The following VRK1 variants were observed in gnomAD, a reference collection of about 807,000 sequenced individuals.
The protein encoded by VRK1 is serine/threonine-protein kinase VRK1.
In VRK1, 33 loss-of-function variants were observed where a neutral mutation model predicts 57.1. The observed-to-expected ratio is 0.58, with a 90% CI of 0.44 to 0.77. VRK1 has a LOEUF of 0.77. Among genes scored for constraint, VRK1 ranks in the 30% least tolerant of loss-of-function variants. VRK1 has a pLI of 0.00. For missense variants in VRK1, 413 were observed against 477.3 expected, an observed-to-expected ratio of 0.87 and a Z score of 1.25; for synonymous variants, 137 against 147.8, an observed-to-expected ratio of 0.93 and a Z score of 0.53.
At chr14:96,860,225 C>T (rs1292874236) in intron 10 of VRK1, among the ~76,000 whole-genome samples, 1 of 152,038 alleles carries the variant, frequency 6.6e-6, no homozygotes, top group African/African-American at 2.4e-5. Flanking sequence ...GGACATTTTA[C>T]TTTCTAATCT....
rs1886780869 is a variant in VRK1, at chr14:96,825,861, G to A, written c.-5-7606G>A. Among the ~76,000 whole-genome samples the A allele has an allele frequency of 2.0e-5, 3 of 152,242 alleles. No individual in the cohort carries two copies. The South Asian group carries it at 6.2e-4, about 32-fold the overall frequency. On this transcript the variant is annotated intron_variant, in intron 1 of 12. Coordinates refer to ENST00000216639, the MANE Select transcript of VRK1 (RefSeq NM_003384.3). The stretch of plus-strand genomic sequence containing the variant: ...TAAAGAAAATTTCATAAAAATACAT[G>A]ACCCCCTAAAGGAGTTTACATGCAG...
At chr14:96,873,062 A>G (rs1300878303) in intron 11 of VRK1, among the ~76,000 whole-genome samples, 1 of 152,136 alleles carries the variant, frequency 6.6e-6, no homozygotes, top group Non-Finnish European at 1.5e-5. Flanking sequence ...GTCTTATGGG[A>G]TGGACAAAAC....
chr14:96,857,100 G>T (rs563120253), intron 10 of VRK1, among the ~76,000 whole-genome samples: 1 of 152,298 alleles, frequency 6.6e-6, no homozygotes, highest in Non-Finnish European at 1.5e-5. Flanking sequence ...TTTATTGTGT[G>T]CCAGGGACTG....
intron 3 of VRK1, among the ~76,000 whole-genome samples, chr14:96,838,890 TGAG>T (rs1032530487): frequency 4.0e-5 from 6 of 149,610 alleles, no homozygotes; most frequent in East Asian, 3.9e-4. Flanking sequence ...TTAAAAAAAT[TGAG>T]GCATGATTTT....
intron 1 of VRK1, among the ~76,000 whole-genome samples, chr14:96,827,373 G>A (rs1033271575): frequency 4.6e-5 from 7 of 152,106 alleles, no homozygotes; most frequent in African/African-American, 1.7e-4. Flanking sequence ...TTCTCTTGTT[G>A]CCATGTGCTT....
chr14:96,837,853 T>C, intron 3 of VRK1, 36 bp downstream of exon 3: 1 of 1,503,310 alleles, frequency 6.7e-7, no homozygotes, highest in South Asian at 1.4e-5. Flanking sequence ...TTCTTTTCTG[T>C]TGATTTGGTG....
At chr14:96,843,012 T>C (rs1267920331) in intron 3 of VRK1, among the ~76,000 whole-genome samples, 1 of 152,204 alleles carries the variant, frequency 6.6e-6, no homozygotes, top group African/African-American at 2.4e-5. Flanking sequence ...CCCACAAATC[T>C]CTTATTTGGC....
At chr14:96,801,317 G>T (rs1275825693) in intron 1 of VRK1, among the ~76,000 whole-genome samples, 3 of 152,192 alleles carry the variant, frequency 2.0e-5, no homozygotes, top group African/African-American at 7.2e-5. Flanking sequence ...GACAGCTAAA[G>T]AAAAGTCATC....
At chr14:96,867,515 A>G (rs1416770418) in intron 11 of VRK1, among the ~76,000 whole-genome samples, 1 of 148,496 alleles carries the variant, frequency 6.7e-6, no homozygotes, top group Non-Finnish European at 1.5e-5. Flanking sequence ...TTACACTTTA[A>G]TTAGTTATCT....
At chr14:96,811,752 C>T (rs368209115) in intron 1 of VRK1, among the ~76,000 whole-genome samples, 25 of 145,910 alleles carry the variant, frequency 1.7e-4, no homozygotes, top group Middle Eastern at 7.1e-3. Context: ...TCCTTGCTAT[C>T]ACATTTTCCC....
intron 1 of VRK1, among the ~76,000 whole-genome samples, chr14:96,813,774 C>A (rs1237629428): frequency 6.6e-6 from 1 of 152,048 alleles, no homozygotes; most frequent in East Asian, 1.9e-4. Context: ...CTTAAGACTT[C>A]TTGTTTTGCA....
At chr14:96,875,991 T>C (rs1889013155) in intron 11 of VRK1, 39 bp from the exon 12 acceptor site, 1 of 1,596,888 alleles carries the variant, frequency 6.3e-7, no homozygotes, top group Non-Finnish European at 8.6e-7. Context: ...TACTTGACTG[T>C]CAGATATCTC....
At chr14:96,839,782 G>A (rs1239933327) in intron 3 of VRK1, among the ~76,000 whole-genome samples, 2 of 151,912 alleles carry the variant, frequency 1.3e-5, no homozygotes, top group African/African-American at 2.4e-5. Flanking sequence ...TTTCAGATAC[G>A]TGTTTTAAAC....
chr14:96,845,338 A>T (rs990077198), intron 3 of VRK1, among the ~76,000 whole-genome samples: 1 of 152,206 alleles, frequency 6.6e-6, no homozygotes, highest in African/African-American at 2.4e-5. Flanking sequence ...CCACTCTTAC[A>T]TATTTATTTA....
intron 5 of VRK1, among the ~76,000 whole-genome samples, chr14:96,848,194 A>G (rs1887790307): frequency 6.6e-6 from 1 of 152,034 alleles, no homozygotes; most frequent in South Asian, 2.1e-4. Flanking sequence ...TTAGTTCTCC[A>G]TTGTGTGGTC....
chr14:96,826,201 T>C (rs1376817766), intron 1 of VRK1, among the ~76,000 whole-genome samples: 1 of 152,218 alleles, frequency 6.6e-6, no homozygotes, highest in Non-Finnish European at 1.5e-5. Context: ...TTTTGGAATG[T>C]TATCTGAAAA....
intron 11 of VRK1, 61 bp downstream of exon 11, chr14:96,860,796 AAAAG>A (rs750890815): frequency 9.6e-5 from 151 of 1,568,102 alleles, no homozygotes; most frequent in Non-Finnish European, 1.3e-4. Flanking sequence ...AATAAATACT[AAAAG>A]AAAGTATAGC....
chr14:96,858,265 A>C lies in VRK1; in HGVS notation c.889+1679A>C, dbSNP rs140111204. Among the ~76,000 whole-genome samples, 19 of 151,302 alleles carry C rather than the reference A, an allele frequency of 1.3e-4. No homozygotes were observed. The East Asian group carries it at 3.5e-3, about 28-fold the overall frequency. ...CGCCACCACACCTGGCTAATTAAAAATTTTTTTTTGTGGACATGTGGTCTC... is the reference window on the plus strand; with the variant it reads ...CGCCACCACACCTGGCTAATTAAAACTTTTTTTTTGTGGACATGTGGTCTC... On this transcript the variant is annotated intron_variant, in intron 10 of 12. Transcript: ENST00000216639.
Position 96,856,146 on chromosome 14 carries a change from T to C in VRK1, c.726T>C (p.Gly242=), listed in dbSNP as rs562273268. ...AHNGVAPSRR[G]DLEILGYCMI... ...CATTTGTAGCCCCATCAAGACGTGGTGATTTGGAAATACTTGGTTATTGCA... is the reference window on the plus strand; with the variant it reads ...CATTTGTAGCCCCATCAAGACGTGGCGATTTGGAAATACTTGGTTATTGCA... The change falls in exon 9 of 13, where the codon GGT becomes GGC. Residue 242 remains glycine, a synonymous_variant. Coordinates refer to ENST00000216639, the MANE Select transcript of VRK1 (RefSeq NM_003384.3). 3 of 1,613,656 alleles carry C rather than the reference T, an allele frequency of 1.9e-6. No individual in the cohort carries two copies. Among genetic ancestry groups the C allele is most frequent in the Admixed American group, 1.7e-5 (1 of 60,002 alleles).
Sources: gnomAD v4.1 joint callset for allele counts (sites outside exome capture counted in the v4.1 genomes callset) on GRCh38, gnomAD v4.1.1 for gene constraint, MANE v1.5 for transcripts, NCBI Gene and HGNC (gene_info 2026-07-23, HGNC 2026-07-21) for gene names.